Variants in ZNF831 observed in about 807,000 individuals in gnomAD.
ZNF831 encodes chromosome 20 open reading frame 174.
In ZNF831, 59 loss-of-function variants were observed where a neutral mutation model predicts 95.8. The observed-to-expected ratio is 0.62, with a 90% CI of 0.50 to 0.77. ZNF831 has a LOEUF of 0.77. Ranked by LOEUF, ZNF831 falls within the 30% of genes least tolerant of loss-of-function variation. ZNF831 has a pLI of 0.00. For missense variants in ZNF831, 2,205 were observed against 2,164.0 expected, an observed-to-expected ratio of 1.02 and a Z score of -0.38; for synonymous variants, 961 against 925.5, an observed-to-expected ratio of 1.04 and a Z score of -0.70.
At chr20:59,204,350 C>A (rs1050292725) in intron 3 of ZNF831, among the ~76,000 whole-genome samples, 1 of 152,204 alleles carries the variant, frequency 6.6e-6, no homozygotes, top group African/African-American at 2.4e-5. Flanking sequence ...GAGGTAAAGA[C>A]AAAGACCTAC....
rs892447603 is a variant in ZNF831, at chr20:59,256,128, C to T, written c.*1385C>T. On this transcript the variant is annotated 3_prime_UTR_variant, in exon 6 of 6. Coordinates refer to ENST00000371030, the MANE Select transcript of ZNF831 (RefSeq NM_178457.3). ...TATGACATCTTGTACTTCAGAGACA[C>T]AGCAGCAATGCAGAGCATCTCACAC... 2.0e-5 allele frequency: 3 copies of T among 152,102 alleles called. No homozygotes were observed. The highest frequency in any genetic ancestry group is 7.3e-5 in the African/African-American group (3 of 41,350). 9.4% of individuals were successfully genotyped at this position (152,102 alleles called of 1,614,324 possible).
At position 59,253,138 on chromosome 20, in the gene ZNF831, G is replaced by T; in HGVS notation, c.4188G>T (p.Lys1396Asn). 1 of 1,613,948 alleles carries T rather than the reference G, an allele frequency of 6.2e-7. No individual in the cohort carries two copies. The highest frequency in any genetic ancestry group is 8.5e-7 in the Non-Finnish European group (1 of 1,179,892). ...IVREMDKRTV[K>N]DISPSAGEHG... ...GGGAAATGGACAAACGAACTGTGAA[G>T]GTGGGCATGATGATTTTGAGCTGCC... The change falls in exon 5 of 6, where the codon AAG becomes AAT. Residue 1396 changes from lysine (K) to asparagine (N), a missense_variant and splice_region_variant. Transcript: ENST00000371030.
rs1445456578 is a variant in ZNF831, at chr20:59,208,786, G to A, written c.4027+1730G>A. Among the ~76,000 whole-genome samples the A allele has an allele frequency of 6.6e-6, 1 of 152,038 alleles. No homozygotes were observed. The highest frequency in any genetic ancestry group is 1.5e-5 in the Non-Finnish European group (1 of 68,002). On this transcript the variant is annotated intron_variant, in intron 4 of 5. Transcript: ENST00000371030. This position sits in a 1 kb window ranked among gnomAD's most constrained non-coding sequence, Gnocchi z 4.2. ...GCTTGGATGGAACCCCTGCTGAGAC[G>A]CTGGCAGAGAGCTGGTAGCCCCCGC...
chr20:59,199,036 C>T (rs1984328124), intron 3 of ZNF831, among the ~76,000 whole-genome samples: 1 of 145,798 alleles, frequency 6.9e-6, no homozygotes. Context: ...TTTATCTGTC[C>T]ATCTGCCCAC....
intron 4 of ZNF831, among the ~76,000 whole-genome samples, chr20:59,220,305 TCAA>T (rs1371960970): frequency 1.3e-5 from 2 of 152,212 alleles, no homozygotes; most frequent in Non-Finnish European, 2.9e-5. Flanking sequence ...AGACTCACTC[TCAA>T]CAAAATCACG....
At chr20:59,195,827 G>A (rs1321008977) in intron 2 of ZNF831, 42 bp from the exon 3 acceptor site, 11 of 1,586,188 alleles carry the variant, frequency 6.9e-6, no homozygotes, top group Non-Finnish European at 8.6e-6. Flanking sequence ...TTCATCATGA[G>A]GACTTTGAGT....
rs2146592271 is a variant in ZNF831 at position 59,193,976 on chromosome 20, C to A, written c.2957C>A (p.Thr986Asn). The change falls in exon 2 of 6, where the codon ACC (threonine) becomes AAC (asparagine). Residue 986 changes from threonine (T) to asparagine (N), a missense_variant. Thr to Asn is a moderately conservative substitution (Grantham distance 65, BLOSUM62 0). Transcript: ENST00000371030. ...TCATTTGTTGGGTCAGGACTGGGGACCCCTCTTTCTCCCAGCCCAGCCTCA... is the reference window on the plus strand; with the variant it reads ...TCATTTGTTGGGTCAGGACTGGGGAACCCTCTTTCTCCCAGCCCAGCCTCA... ...RASFVGSGLG[T>N]PLSPSPASGP... 1 of 1,540,278 alleles carries A rather than the reference C, an allele frequency of 6.5e-7. No individual in the cohort carries two copies. Among genetic ancestry groups the A allele is most frequent in the East Asian group, 2.3e-5 (1 of 44,264 alleles).
In ZNF831 at chr20:59,254,346, G is replaced by A. The variant is rs1988069185; in HGVS notation, c.4637G>A (p.Arg1546Lys). Residue 1546 changes from arginine to lysine, a missense_variant, in exon 6 of 6, where the codon AGA (arginine) becomes AAA (lysine). Coordinates refer to ENST00000371030, the MANE Select transcript of ZNF831 (RefSeq NM_178457.3). This position sits in a 1 kb window ranked among gnomAD's most constrained non-coding sequence, Gnocchi z 4.5. ...AGAGCACAGACCCTCTTGCCAGGGA[G>A]ACCTTCATCTGGACAAAGAATTTCA... ...EGRAQTLLPGRPSSGQRISDS... is the reference protein window; with the variant it reads ...EGRAQTLLPGKPSSGQRISDS... The A allele has an allele frequency of 7.4e-6, 12 of 1,614,126 alleles. No homozygotes were observed. The highest frequency in any genetic ancestry group is 1.0e-5 in the Non-Finnish European group (12 of 1,180,018).
intron 1 of ZNF831, among the ~76,000 whole-genome samples, chr20:59,179,901 C>T (rs7265161): frequency 5.9e-5 from 9 of 152,288 alleles, no homozygotes; most frequent in African/African-American, 2.2e-4. Context: ...TTACATAAAG[C>T]TGCCCTCACC....
At chr20:59,235,894 C>G (rs1181558531) in intron 4 of ZNF831, among the ~76,000 whole-genome samples, 1 of 152,204 alleles carries the variant, frequency 6.6e-6, no homozygotes, top group Non-Finnish European at 1.5e-5. Flanking sequence ...ATGCTCAGTG[C>G]TGAAAGACAG....
chr20:59,231,402 C>T (rs954434416), intron 4 of ZNF831, among the ~76,000 whole-genome samples: 1 of 152,188 alleles, frequency 6.6e-6, no homozygotes, highest in African/African-American at 2.4e-5. Flanking sequence ...ATGACATTTT[C>T]CAGGCACCAC....
chr20:59,192,865 T>C lies in ZNF831; in HGVS notation c.1846T>C (p.Ser616Pro), dbSNP rs1463601800. Residue 616 changes from serine to proline, a missense_variant, in exon 2 of 6, where the codon TCC becomes CCC. By Grantham distance (74) the Ser-to-Pro change is moderately conservative. Transcript: ENST00000371030. The surrounding 1 kb of genome is among the most constrained non-coding windows in gnomAD (Gnocchi z 5.2). ...CGGCCAGAGAAGGCTGAAGATGTTC[T>C]CCCAGGAGAAGTGGCAGGTGTACGG... Reference protein sequence around the residue: ...KCGQRRLKMFSQEKWQVYGDE... With the variant: ...KCGQRRLKMFPQEKWQVYGDE... 2 of 1,601,198 alleles carry C rather than the reference T, an allele frequency of 1.2e-6. No homozygotes were observed. Among genetic ancestry groups the C allele is most frequent in the Admixed American group, 3.4e-5 (2 of 58,726 alleles).
intron 2 of ZNF831, among the ~76,000 whole-genome samples, chr20:59,152,015 C>T (rs1425475473): frequency 6.6e-6 from 1 of 152,210 alleles, no homozygotes; most frequent in African/African-American, 2.4e-5. Context: ...TGCCTCACCA[C>T]TATCAACCTC....
At chr20:59,224,400 C>T (rs1986302485) in intron 4 of ZNF831, among the ~76,000 whole-genome samples, 1 of 151,796 alleles carries the variant, frequency 6.6e-6, no homozygotes, top group Non-Finnish European at 1.5e-5. Context: ...GGTGGGGGGG[C>T]GCCTCTTCTG....
chr20:59,224,165 G>C (rs182497899), intron 4 of ZNF831, among the ~76,000 whole-genome samples: 20 of 152,350 alleles, frequency 1.3e-4, no homozygotes, highest in Admixed American at 1.0e-3. Flanking sequence ...ATGGTGCGTG[G>C]CGGGTGGGGG....
Position 59,147,511 on chromosome 20 carries a change from C to G in ZNF831, c.-1281+1137C>G, listed in dbSNP as rs377162587. On this transcript the variant is annotated intron_variant, in intron 2 of 7. Transcript: ENST00000637017. The stretch of plus-strand genomic sequence containing the variant: ...CTGGCCAGTGGCCAAGGGAGAATTG[C>G]AATTGTTATACTTTGTTTTTTAAAA... 3.3e-5 allele frequency among the ~76,000 whole-genome samples: 5 copies of G among 152,312 alleles called. No homozygotes were observed. In the East Asian group the frequency reaches 9.7e-4, roughly 29 times the overall value.
chr20:59,136,048 C>T (rs978461821), intron 1 of ZNF831, among the ~76,000 whole-genome samples: 1 of 152,198 alleles, frequency 6.6e-6, no homozygotes, highest in Admixed American at 6.5e-5. Flanking sequence ...TTCAGCTTGT[C>T]ATCAGAATTG....
intron 3 of ZNF831, among the ~76,000 whole-genome samples, chr20:59,198,525 T>C (rs1046594045): frequency 6.6e-6 from 1 of 152,134 alleles, no homozygotes; most frequent in African/African-American, 2.4e-5. Context: ...CTGGCCCCCA[T>C]AGCATTTGAG....
At position 59,194,311 on chromosome 20, in the gene ZNF831, GTAC is replaced by G; in HGVS notation, c.3293_3295del (p.Val1098_Pro1099delinsAla). The stretch of plus-strand genomic sequence containing the variant: ...CTCTGGGGATGTCCTGAATCCCTGG[GTAC>G]CCAACTGGGAGCTGGGGGAGCCTCC... On this transcript the variant is annotated inframe_deletion, in exon 2 of 6. Coordinates refer to ENST00000371030, the MANE Select transcript of ZNF831 (RefSeq NM_178457.3). The G allele has an allele frequency of 6.2e-7, 1 of 1,613,874 alleles. No individual in the cohort carries two copies.
Sources: gnomAD v4.1 joint callset for allele counts (sites outside exome capture counted in the v4.1 genomes callset) on GRCh38, gnomAD v4.1.1 for gene constraint, Gnocchi (gnomAD v3.1) non-coding constraint, MANE v1.5 for transcripts, NCBI Gene and HGNC (gene_info 2026-07-23, HGNC 2026-07-21) for gene names.